The following ST8SIA6 variants were observed in gnomAD, a reference collection of about 807,000 sequenced individuals.
ST8SIA6 encodes ST8 alpha-N-acetyl-neuraminide alpha-2,8-sialyltransferase 6.
A neutral mutation model predicts 33.6 loss-of-function variants in ST8SIA6; 39 were observed. The observed-to-expected ratio is 1.16, with a 90% CI of 0.90 to 1.52. ST8SIA6 has a LOEUF of 1.52. Ranked by LOEUF, ST8SIA6 falls within the 40% of genes most tolerant of loss-of-function variation. The pLI is 0.00. For missense variants in ST8SIA6, 441 were observed against 443.8 expected (o/e 0.99, Z 0.06); for synonymous variants, 172 against 167.2 (o/e 1.03, Z -0.22).
chr10:17,434,058 C>T (rs1852179077), intron 2 of ST8SIA6, among the ~76,000 whole-genome samples: 1 of 152,142 alleles, frequency 6.6e-6, no homozygotes, highest in African/African-American at 2.4e-5. Flanking sequence ...GTTTAGCCTC[C>T]CCTGGCTTCT....
intron 2 of ST8SIA6, among the ~76,000 whole-genome samples, chr10:17,447,274 T>C (rs1031483795): frequency 2.0e-5 from 3 of 151,190 alleles, no homozygotes; most frequent in Non-Finnish European, 4.4e-5. Context: ...GGTGCAGTGG[T>C]GTGGGCCTGT....
chr10:17,317,909 T>A lies in ST8SIA6; in HGVS notation c.*2969A>T, dbSNP rs1312714933. Among the ~76,000 whole-genome samples the A allele has an allele frequency of 1.3e-5, 2 of 152,194 alleles. No individual in the cohort carries two copies. The highest frequency in any genetic ancestry group is 4.8e-5 in the African/African-American group (2 of 41,460). On this transcript the variant is annotated 3_prime_UTR_variant, in exon 8 of 8. Coordinates refer to ENST00000377602, the MANE Select transcript of ST8SIA6 (RefSeq NM_001004470.3). The stretch of plus-strand genomic sequence containing the variant: ...TGATCTATTTGTCATTGCCTTTTGT[T>A]CCAAGGGAAAAGCACCAGAGACTTC...
chr10:17,406,569 C>A (rs888220267), intron 2 of ST8SIA6, among the ~76,000 whole-genome samples: 1 of 152,142 alleles, frequency 6.6e-6, no homozygotes, highest in African/African-American at 2.4e-5. Flanking sequence ...GTGAGTCTGT[C>A]CCAACTACAA....
chr10:17,445,529 G>A (rs578251993), intron 2 of ST8SIA6, among the ~76,000 whole-genome samples: 1 of 152,278 alleles, frequency 6.6e-6, no homozygotes, highest in South Asian at 2.1e-4. Flanking sequence ...CCCACCGTCT[G>A]CCTTTCTTTT....
At chr10:17,434,931 G>A (rs888969804) in intron 2 of ST8SIA6, among the ~76,000 whole-genome samples, 3 of 152,104 alleles carry the variant, frequency 2.0e-5, no homozygotes, top group Non-Finnish European at 4.4e-5. Flanking sequence ...CAGACTCTCC[G>A]ACCCACCCAC....
chr10:17,339,655 A>C (rs1364545834), intron 4 of ST8SIA6, among the ~76,000 whole-genome samples: 1 of 151,966 alleles, frequency 6.6e-6, no homozygotes, highest in Non-Finnish European at 1.5e-5. Context: ...TTTGACATGT[A>C]ATTCATGGAT....
chr10:17,374,704 G>A (rs1387459849), intron 3 of ST8SIA6, among the ~76,000 whole-genome samples: 5 of 143,094 alleles, frequency 3.5e-5, no homozygotes, highest in Admixed American at 7.1e-5. Context: ...ACAGAATGAG[G>A]CTCTGTCTCA....
In ST8SIA6 at chr10:17,323,035, T is replaced by C. The variant is rs762411437; in HGVS notation, c.728+30A>G. The C allele has an allele frequency of 1.9e-6, 3 of 1,571,142 alleles. No individual in the cohort carries two copies. In the Admixed American group the frequency reaches 5.1e-5, roughly 27 times the overall value. On this transcript the variant is annotated intron_variant, in intron 7 of 7. Transcript: ENST00000377602. Reference sequence around the variant, plus strand: ...ATGTTGAACAATGAAAAAGTGTTCCTGATCAGTTATGTAACTTGCAGCTAC... The same window carrying C: ...ATGTTGAACAATGAAAAAGTGTTCCCGATCAGTTATGTAACTTGCAGCTAC...
intron 4 of ST8SIA6, among the ~76,000 whole-genome samples, chr10:17,350,794 A>G (rs2131608037): frequency 6.6e-6 from 1 of 152,296 alleles, no homozygotes; most frequent in East Asian, 1.9e-4. Context: ...CATCACACTG[A>G]CAGGTAAGAT....
chr10:17,422,511 G>A (rs564636184), intron 2 of ST8SIA6, among the ~76,000 whole-genome samples: 1 of 152,262 alleles, frequency 6.6e-6, no homozygotes, highest in South Asian at 2.1e-4. Flanking sequence ...GCCTGATAAT[G>A]TACTACTTCA....
intron 3 of ST8SIA6, among the ~76,000 whole-genome samples, chr10:17,378,925 G>C (rs1850014618): frequency 6.6e-6 from 1 of 152,080 alleles, no homozygotes. Flanking sequence ...AGGAGATCAA[G>C]ACCATCCTGG....
intron 4 of ST8SIA6, among the ~76,000 whole-genome samples, chr10:17,342,684 C>T (rs193102905): frequency 4.2e-4 from 64 of 152,290 alleles, no homozygotes; most frequent in Middle Eastern, 3.4e-3. Context: ...GGCACAGTGG[C>T]TCATGCCTCT....
chr10:17,380,690 G>A (rs1370765521), intron 3 of ST8SIA6, among the ~76,000 whole-genome samples: 1 of 152,120 alleles, frequency 6.6e-6, no homozygotes. Flanking sequence ...TTTGTGTAAG[G>A]AGCTCCATGA....
chr10:17,328,575 G>A (rs796699394), intron 5 of ST8SIA6, among the ~76,000 whole-genome samples: 2 of 152,196 alleles, frequency 1.3e-5, no homozygotes, highest in African/African-American at 4.8e-5. Flanking sequence ...TTTGTCTGTA[G>A]GATTAAGGTG....
chr10:17,340,343 C>T (rs1233843295), intron 4 of ST8SIA6, among the ~76,000 whole-genome samples: 1 of 151,872 alleles, frequency 6.6e-6, no homozygotes, highest in Non-Finnish European at 1.5e-5. Context: ...TCCTGAGTCA[C>T]CCCTGGTCAC....
intron 2 of ST8SIA6, among the ~76,000 whole-genome samples, chr10:17,402,971 A>G (rs1223689644): frequency 1.3e-5 from 2 of 152,198 alleles, no homozygotes; most frequent in African/African-American, 4.8e-5. Flanking sequence ...TGTGATCTCA[A>G]CAGTGCAAAC....
intron 3 of ST8SIA6, among the ~76,000 whole-genome samples, chr10:17,370,069 C>G (rs1461544702): frequency 6.6e-6 from 1 of 151,936 alleles, no homozygotes; most frequent in African/African-American, 2.4e-5. Flanking sequence ...CAAGCTCCGC[C>G]TCCTGGGTTC....
intron 5 of ST8SIA6, among the ~76,000 whole-genome samples, chr10:17,329,855 T>G (rs1848242072): frequency 1.3e-5 from 2 of 152,210 alleles, no homozygotes; most frequent in South Asian, 4.1e-4. Context: ...TTGCCCACTC[T>G]GGTTGAAAAT....
At chr10:17,344,626 C>A (rs1588813288) in intron 4 of ST8SIA6, among the ~76,000 whole-genome samples, 1 of 151,724 alleles carries the variant, frequency 6.6e-6, no homozygotes, top group East Asian at 1.9e-4. Context: ...CAAACCACAT[C>A]ATCTGTCCTT....
Sources: allele counts gnomAD v4.1 joint callset (sites outside exome capture counted in the v4.1 genomes callset), GRCh38; gene constraint gnomAD v4.1.1; transcripts MANE v1.5; gene names NCBI Gene and HGNC (gene_info 2026-07-23, HGNC 2026-07-21).